Variants in CCL22 observed in about 807,000 individuals in gnomAD.
CCL22 encodes the protein C-C motif chemokine 22.
Under a neutral mutation model 7.6 loss-of-function variants are expected in CCL22, and 7 were observed. That is an observed-to-expected ratio of 0.92 (90% CI 0.52 to 1.72). The LOEUF is 1.72. Among genes scored for constraint, CCL22 ranks in the 40% most tolerant of loss-of-function variants. The pLI is 0.00. For synonymous variants in CCL22, 55 were observed against 47.2 expected, an observed-to-expected ratio of 1.17 and a Z score of -0.68; for missense variants, 115 against 124.7, an observed-to-expected ratio of 0.92 and a Z score of 0.37.
chr16:57,364,478 C>CTT lies in CCL22; in HGVS notation c.*906_*907dup, dbSNP rs11405534. ...AGATTCACCTTTCTTCCCCCACTCC[C>CTT]TTTTTTTTTTTTTTTTTGAGATGGA... On this transcript the variant is annotated 3_prime_UTR_variant, in exon 3 of 3. Transcript: ENST00000219235. The CTT allele has an allele frequency of 6.2e-3, 820 of 133,324 alleles. 11 individuals are homozygous for CTT. Among genetic ancestry groups the CTT allele is most frequent in the South Asian group, 0.012 (50 of 4,104 alleles). The allele number at this position is 133,324 out of a possible 1,614,324, so 8.3% of individuals were successfully genotyped here.
chr16:57,360,365 G>T, intron 1 of CCL22, 72 bp from the exon 2 acceptor site: 1 of 1,588,468 alleles, frequency 6.3e-7, no homozygotes. Flanking sequence ...GAGAGGCCGA[G>T]ATCAGGGGCT....
At chr16:57,363,451 T>A (rs1902070798) in intron 2 of CCL22, 53 bp from the exon 3 acceptor site, 1 of 1,224,166 alleles carries the variant, frequency 8.2e-7, no homozygotes, top group East Asian at 2.3e-5. Flanking sequence ...GGGTGTGGCA[T>A]CCTTGCTGCG....
chr16:57,360,674 T>C (rs1348127165), intron 2 of CCL22, 114 bp downstream of exon 2: 2 of 1,282,750 alleles, frequency 1.6e-6, no homozygotes, highest in African/African-American at 1.5e-5. Context: ...GTGGCAGGGC[T>C]ACCAGATGCC....
chr16:57,361,877 G>C (rs1450860360), intron 2 of CCL22, among the ~76,000 whole-genome samples: 1 of 152,168 alleles, frequency 6.6e-6, no homozygotes, highest in African/African-American at 2.4e-5. Context: ...GCTGAAGCAG[G>C]AAGCCCTCCC....
rs536064516 is a variant in CCL22 at position 57,363,474 on chromosome 16, T to A, written c.198-30T>A. 3.8e-4 allele frequency: 565 copies of A among 1,497,580 alleles called. 5 individuals carry two copies. In the South Asian group the frequency reaches 6.1e-3, roughly 16 times the overall value. The allele number at this position is 1,497,580 out of a possible 1,614,324, so 92.8% of individuals were successfully genotyped here. The stretch of plus-strand genomic sequence containing the variant: ...CATCCTTGCTGCGTGCTAATGTTGC[T>A]GCATTGTCTCTGGGGTCTCCTTCTT... On this transcript the variant is annotated intron_variant, in intron 2 of 2. Coordinates refer to ENST00000219235, the MANE Select transcript of CCL22 (RefSeq NM_002990.5).
At chr16:57,359,692 G>A (rs1275590495) in intron 1 of CCL22, among the ~76,000 whole-genome samples, 1 of 150,546 alleles carries the variant, frequency 6.6e-6, no homozygotes, top group African/African-American at 2.4e-5. Flanking sequence ...GAGTGCAGTG[G>A]CGCAATCTCA....
chr16:57,360,638 G>T, intron 2 of CCL22, 78 bp downstream of exon 2: 4 of 1,547,302 alleles, frequency 2.6e-6, no homozygotes, highest in Non-Finnish European at 2.7e-6. Flanking sequence ...GCTGGTGGGT[G>T]GGACACACCC....
chr16:57,359,002 T>C, intron 1 of CCL22, 113 bp downstream of exon 1: 1 of 846,338 alleles, frequency 1.2e-6, no homozygotes, highest in Non-Finnish European at 2.0e-6. Flanking sequence ...AGTCTGCTGT[T>C]GGCTCTTGCG....
In CCL22 at chr16:57,363,641, C is replaced by T; in HGVS notation, c.*53C>T. On this transcript the variant is annotated 3_prime_UTR_variant, in exon 3 of 3. Coordinates refer to ENST00000219235, the MANE Select transcript of CCL22 (RefSeq NM_002990.5). The stretch of plus-strand genomic sequence containing the variant: ...GGCTCCTCCAGGAAGGCTCAGGAGC[C>T]CTACCTCCCTGCCATTATAGCTGCT... The T allele has an allele frequency of 9.0e-7, 1 of 1,114,424 alleles. No individual in the cohort carries two copies. Among genetic ancestry groups the T allele is most frequent in the Non-Finnish European group, 1.4e-6 (1 of 729,372 alleles). 69.0% of individuals were successfully genotyped at this position (1,114,424 alleles called of 1,614,324 possible). A position where few individuals can be genotyped will look rare whatever the true frequency, so the allele number is the denominator to read the frequency against.
rs151094699 is a variant in CCL22, at chr16:57,360,448, G to T, written c.85G>T (p.Ala29Ser). The T allele has an allele frequency of 3.1e-6, 5 of 1,614,166 alleles. No homozygotes were observed. In the East Asian group the frequency reaches 1.1e-4, roughly 36 times the overall value. The change falls in exon 2 of 3, where the codon GCC (alanine) becomes TCC (serine). Residue 29 changes from alanine to serine, a missense_variant. Transcript: ENST00000219235. ...LQATEAGPYG[A>S]NMEDSVCCRD... ...GACCCCTCCCCTAGGCCCCTACGGC[G>T]CCAACATGGAAGACAGCGTCTGCTG...
Position 57,363,631 on chromosome 16 carries a change from G to A in CCL22, c.*43G>A. The A allele has an allele frequency of 1.5e-6, 2 of 1,298,292 alleles. No homozygotes were observed. Among genetic ancestry groups the A allele is most frequent in the Non-Finnish European group, 1.1e-6 (1 of 894,262 alleles). The allele number at this position is 1,298,292 out of a possible 1,614,324, so 80.4% of individuals were successfully genotyped here. On this transcript the variant is annotated 3_prime_UTR_variant, in exon 3 of 3. Coordinates refer to ENST00000219235, the MANE Select transcript of CCL22 (RefSeq NM_002990.5). ...CCGTGGCCTTGGCTCCTCCAGGAAG[G>A]CTCAGGAGCCCTACCTCCCTGCCAT... is the stretch of plus-strand genomic sequence containing the variant.
In CCL22 at chr16:57,360,454, A is replaced by G; in HGVS notation, c.91A>G (p.Met31Val). Residue 31 changes from methionine to valine, a missense_variant, in exon 2 of 3, where the codon ATG (methionine) becomes GTG (valine). Coordinates refer to ENST00000219235, the MANE Select transcript of CCL22 (RefSeq NM_002990.5). ...ATEAGPYGAN[M>V]EDSVCCRDYV... is the part of the protein sequence containing the mutation. ...TCCCCTAGGCCCCTACGGCGCCAAC[A>G]TGGAAGACAGCGTCTGCTGCCGTGA... The G allele has an allele frequency of 6.2e-7, 1 of 1,614,184 alleles. No homozygotes were observed. Among genetic ancestry groups the G allele is most frequent in the Non-Finnish European group, 8.5e-7 (1 of 1,180,020 alleles).
intron 2 of CCL22, among the ~76,000 whole-genome samples, chr16:57,363,106 C>T (rs985733718): frequency 1.6e-4 from 24 of 152,024 alleles, no homozygotes; most frequent in African/African-American, 5.8e-4. Context: ...AGCAATCCTC[C>T]CACCTCAGCC....
chr16:57,360,441 CT>C lies in CCL22; in HGVS notation c.79del (p.Tyr27ThrfsTer24), dbSNP rs752836194. Reference protein sequence around the residue: ...VALQATEAGPYGANMEDSVCC... With the variant: ...VALQATEAGPXGANMEDSVCC... ...CACTGGGGACCCCTCCCCTAGGCCC[CT>C]ACGGCGCCAACATGGAAGACAGCGT... On this transcript the variant is annotated frameshift_variant, in exon 2 of 3. Coordinates refer to ENST00000219235, the MANE Select transcript of CCL22 (RefSeq NM_002990.5). LOFTEE classifies it high-confidence loss of function. 3.2e-5 allele frequency: 52 copies of C among 1,614,116 alleles called. No homozygotes were observed. The highest frequency in any genetic ancestry group is 4.0e-5 in the Non-Finnish European group (47 of 1,180,050).
intron 1 of CCL22, among the ~76,000 whole-genome samples, chr16:57,359,488 G>A (rs573494418): frequency 6.6e-6 from 1 of 151,246 alleles, no homozygotes; most frequent in African/African-American, 2.4e-5. Flanking sequence ...GCTAATTTTT[G>A]TATTTTTAGT....
Position 57,364,813 on chromosome 16 carries a change from T to A in CCL22, c.*1225T>A, listed in dbSNP as rs1277336293. ...TCCCCACCCCCCCCCCAACTTTTTT[T>A]TTTTTTTATGGCAGGGTCTCACTCT... is the stretch of plus-strand genomic sequence containing the variant. On this transcript the variant is annotated 3_prime_UTR_variant, in exon 3 of 3. Coordinates refer to ENST00000219235, the MANE Select transcript of CCL22 (RefSeq NM_002990.5). 1.4e-5 allele frequency: 2 copies of A among 142,468 alleles called. No homozygotes were observed. Among genetic ancestry groups the A allele is most frequent in the African/African-American group, 5.3e-5 (2 of 37,606 alleles). The allele number at this position is 142,468 out of a possible 1,614,324, so 8.8% of individuals were successfully genotyped here. A position where few individuals can be genotyped will look rare whatever the true frequency, so the allele number is the denominator to read the frequency against.
chr16:57,358,720 T>C (rs1243601891), upstream of CCL22: 1 of 883,750 alleles, frequency 1.1e-6, no homozygotes, highest in African/African-American at 1.6e-5. Context: ...GACTAAGAGG[T>C]AAGTAAGTGA....
rs1235288149 is a variant in CCL22, at chr16:57,363,970, G to C, written c.*382G>C. The C allele has an allele frequency of 9.7e-6, 2 of 205,484 alleles. No homozygotes were observed. Among genetic ancestry groups the C allele is most frequent in the Non-Finnish European group, 2.0e-5 (2 of 99,532 alleles). 12.7% of individuals were successfully genotyped at this position (205,484 alleles called of 1,614,324 possible). On this transcript the variant is annotated 3_prime_UTR_variant, in exon 3 of 3. Transcript: ENST00000219235. The stretch of plus-strand genomic sequence containing the variant: ...TTCCCTTCATGAATGTTGGGTTCTA[G>C]CTCCCTGTTCTCCAAACCCATACTA...
intron 1 of CCL22, among the ~76,000 whole-genome samples, chr16:57,359,858 C>T (rs141382514): frequency 4.3e-4 from 65 of 152,264 alleles, no homozygotes; most frequent in Middle Eastern, 3.4e-3. Flanking sequence ...GTCTCGAACT[C>T]CTGACCTCAA....
Sources: gnomAD v4.1 joint callset for allele counts (sites outside exome capture counted in the v4.1 genomes callset) on GRCh38, gnomAD v4.1.1 for gene constraint, MANE v1.5 for transcripts, NCBI Gene and HGNC (gene_info 2026-07-23, HGNC 2026-07-21) for gene names.